The following PDE7B variants were observed in gnomAD, a reference collection of about 807,000 sequenced individuals.
PDE7B encodes the protein 3',5'-cyclic-AMP phosphodiesterase 7B.
Under a neutral mutation model 56.2 loss-of-function variants are expected in PDE7B, and 29 were observed. That is an observed-to-expected ratio of 0.52 (90% CI 0.38 to 0.70). The LOEUF is 0.70. PDE7B is among the 30% of genes least tolerant of loss of function. The probability of loss-of-function intolerance (pLI) is 0.00; values close to 1 mark genes in which losing one functional copy is unlikely to be tolerated. For missense variants in PDE7B, 490 were observed against 565.0 expected (o/e 0.87, Z 1.35); for synonymous variants, 197 against 196.9 (o/e 1.00, Z 0.00).
At chr6:136,070,858 G>A (rs903284547) in intron 2 of PDE7B, among the ~76,000 whole-genome samples, 1 of 152,200 alleles carries the variant, frequency 6.6e-6, no homozygotes. Flanking sequence ...TTGGGCTTAC[G>A]TAGGAACCAA....
intron 1 of PDE7B, among the ~76,000 whole-genome samples, chr6:135,891,284 A>G (rs1372722250): frequency 1.3e-5 from 2 of 152,240 alleles, no homozygotes; most frequent in Non-Finnish European, 2.9e-5. Context: ...ATGATTAGAA[A>G]AAGAATCTGA....
chr6:135,851,885 A>ATTTTTT lies in PDE7B; in HGVS notation c.-112_-111insTTTTTT. 3.5e-6 allele frequency: 2 copies of ATTTTTT among 570,496 alleles called. No homozygotes were observed. The highest frequency in any genetic ancestry group is 2.8e-5 in the South Asian group (1 of 36,138). The allele number at this position is 570,496 out of a possible 1,614,324, so 35.3% of individuals were successfully genotyped here. A position where few individuals can be genotyped will look rare whatever the true frequency, so the allele number is the denominator to read the frequency against. The stretch of plus-strand genomic sequence containing the variant: ...TTTTTTTTTTTTGTTACTTAATTAT[A>ATTTTTT]TTCCTAATCCTGGATGAAGTTGCTG... On this transcript the variant is annotated 5_prime_UTR_variant, in exon 1 of 13. Coordinates refer to ENST00000308191, the MANE Select transcript of PDE7B (RefSeq NM_018945.4).
chr6:135,884,724 A>C (rs1364076208), intron 1 of PDE7B, among the ~76,000 whole-genome samples: 1 of 152,166 alleles, frequency 6.6e-6, no homozygotes, highest in Non-Finnish European at 1.5e-5. Context: ...TTTATTGAAC[A>C]CTGGGATTGT....
intron 2 of PDE7B, among the ~76,000 whole-genome samples, chr6:136,090,409 C>T (rs1378125351): frequency 6.6e-6 from 1 of 152,174 alleles, no homozygotes; most frequent in African/African-American, 2.4e-5. Context: ...TATGAAATGG[C>T]TTCCCAGATG....
At chr6:136,014,293 G>A (rs949176265) in intron 2 of PDE7B, among the ~76,000 whole-genome samples, 2 of 151,874 alleles carry the variant, frequency 1.3e-5, no homozygotes, top group East Asian at 1.9e-4. Flanking sequence ...ACTTGTACAG[G>A]GTATTTGTGA....
At chr6:136,083,688 T>C (rs1001485259) in intron 2 of PDE7B, among the ~76,000 whole-genome samples, 2 of 152,168 alleles carry the variant, frequency 1.3e-5, no homozygotes, top group Non-Finnish European at 2.9e-5. Flanking sequence ...GGCCTTTTAG[T>C]ATGAAGTGTA....
chr6:136,142,592 CTT>C (rs1778346670), intron 3 of PDE7B, among the ~76,000 whole-genome samples: 1 of 152,154 alleles, frequency 6.6e-6, no homozygotes, highest in African/African-American at 2.4e-5. Context: ...GCCTAAGTCT[CTT>C]TGTAGGTCAC....
intron 1 of PDE7B, among the ~76,000 whole-genome samples, chr6:135,905,348 ATGTGTGTGTG>A (rs71682918): frequency 0.02 from 2,945 of 148,238 alleles, 95 homozygotes; most frequent in African/African-American, 0.068. Context: ...GTGTGTGTGT[ATGTGTGTGTG>A]TGTGTGTGTG....
chr6:136,145,093 A>C (rs1246049142), intron 3 of PDE7B, among the ~76,000 whole-genome samples: 1 of 152,148 alleles, frequency 6.6e-6, no homozygotes, highest in Non-Finnish European at 1.5e-5. Context: ...AGTCATTACC[A>C]TATCGGCTGC....
intron 4 of PDE7B, 123 bp from the exon 5 acceptor site, chr6:136,148,964 G>A (rs1216983801): frequency 1.5e-6 from 1 of 676,112 alleles, no homozygotes; most frequent in Non-Finnish European, 2.7e-6. Flanking sequence ...CCATTCATTT[G>A]CACTAGATGG....
intron 1 of PDE7B, among the ~76,000 whole-genome samples, chr6:135,922,248 T>C (rs1420457358): frequency 6.6e-6 from 1 of 152,180 alleles, no homozygotes; most frequent in Non-Finnish European, 1.5e-5. Flanking sequence ...GCATTTTATA[T>C]GAGTCAGTAA....
intron 1 of PDE7B, among the ~76,000 whole-genome samples, chr6:135,924,815 CA>C (rs1316523042): frequency 6.6e-6 from 1 of 150,912 alleles, no homozygotes; most frequent in Non-Finnish European, 1.5e-5. Flanking sequence ...TAGGAAAATA[CA>C]AGGAAAATTT....
chr6:136,075,999 C>T (rs187224557), intron 2 of PDE7B, among the ~76,000 whole-genome samples: 3 of 152,040 alleles, frequency 2.0e-5, no homozygotes, highest in African/African-American at 7.3e-5. Context: ...TACCCCAAAG[C>T]CTTTGATAGA....
At chr6:135,907,485 G>A (rs1052528972) in intron 1 of PDE7B, among the ~76,000 whole-genome samples, 1 of 151,942 alleles carries the variant, frequency 6.6e-6, no homozygotes, top group Non-Finnish European at 1.5e-5. Context: ...TTTATATTTT[G>A]TCTAGTTTCT....
At chr6:135,960,609 A>G (rs1774882681) in intron 2 of PDE7B, among the ~76,000 whole-genome samples, 1 of 152,198 alleles carries the variant, frequency 6.6e-6, no homozygotes, top group African/African-American at 2.4e-5. Context: ...TAACTTTTTA[A>G]TTGAAATACA....
At chr6:135,888,103 T>C (rs1238513895) in intron 1 of PDE7B, among the ~76,000 whole-genome samples, 2 of 152,172 alleles carry the variant, frequency 1.3e-5, no homozygotes, top group Non-Finnish European at 2.9e-5. Context: ...AACTACTGCA[T>C]TGAGTGCTTT....
intron 2 of PDE7B, among the ~76,000 whole-genome samples, chr6:135,961,298 TGTGTGTGTGTGTGTGTA>T: frequency 6.6e-6 from 1 of 150,562 alleles, no homozygotes; most frequent in Non-Finnish European, 1.5e-5. Flanking sequence ...TGTGTGTGTG[TGTGTGTGTGTGTGTGTA>T]GTTCAGCTTT....
chr6:136,033,627 C>G (rs568221012), intron 2 of PDE7B, among the ~76,000 whole-genome samples: 127 of 152,276 alleles, frequency 8.3e-4, no homozygotes, highest in African/African-American at 2.9e-3. Context: ...CATGCTTTCC[C>G]CCTTTCCCCA....
intron 2 of PDE7B, among the ~76,000 whole-genome samples, chr6:136,077,850 T>C (rs1402111055): frequency 3.9e-5 from 6 of 152,214 alleles, no homozygotes; most frequent in Admixed American, 3.9e-4. Context: ...CGAATGTGAA[T>C]ATGTTTGGAA....
Sources: gnomAD v4.1 joint callset for allele counts (sites outside exome capture counted in the v4.1 genomes callset) on GRCh38, gnomAD v4.1.1 for gene constraint, MANE v1.5 for transcripts, NCBI Gene and HGNC (gene_info 2026-07-23, HGNC 2026-07-21) for gene names.